The following PSMD1 variants were observed in gnomAD, a reference collection of about 807,000 sequenced individuals.
PSMD1 encodes the protein proteasome 26S subunit, non-ATPase 1.
A neutral mutation model predicts 119.0 loss-of-function variants in PSMD1; 18 were observed. The observed-to-expected ratio is 0.15, with a 90% CI of 0.10 to 0.22. The LOEUF (loss-of-function observed/expected upper bound fraction) is 0.22. Among genes scored for constraint, PSMD1 ranks in the 10% least tolerant of loss-of-function variants. PSMD1 has a pLI of 1.00. For synonymous variants in PSMD1, 374 were observed against 396.6 expected, an observed-to-expected ratio of 0.94 and a Z score of 0.68; for missense variants, 702 against 1,158.5, an observed-to-expected ratio of 0.61 and a Z score of 5.72.
chr2:231,075,642 C>A, intron 8 of PSMD1, 71 bp downstream of exon 8: 1 of 1,400,468 alleles, frequency 7.1e-7, no homozygotes, highest in Non-Finnish European at 9.9e-7. Context: ...CGCAGTGGCG[C>A]GGTCTCGGCT....
chr2:231,151,079 G>A (rs555564367), intron 18 of PSMD1, among the ~76,000 whole-genome samples: 9 of 152,090 alleles, frequency 5.9e-5, no homozygotes, highest in Non-Finnish European at 7.4e-5. Flanking sequence ...GGATCACAGC[G>A]TTGCATAAAA....
rs539005790 is a variant in PSMD1, at chr2:231,081,455, C to T, written c.1413+1141C>T. Among the ~76,000 whole-genome samples, 3 of 152,330 alleles carry T rather than the reference C, an allele frequency of 2.0e-5. No homozygotes were observed. In the South Asian group the frequency reaches 6.2e-4, roughly 32 times the overall value. ...CACAAAGGTTAAAGAGCCAGAGCAA[C>T]ACCACAGATGCTAGATAACAGGAAC... On this transcript the variant is annotated intron_variant, in intron 12 of 24. Coordinates refer to ENST00000308696, the MANE Select transcript of PSMD1 (RefSeq NM_002807.4).
chr2:231,123,582 T>C, intron 16 of PSMD1: 1 of 1,613,960 alleles, frequency 6.2e-7, no homozygotes, highest in Non-Finnish European at 8.5e-7. Context: ...TCACCATGAG[T>C]ATCAGAAGAG....
intron 16 of PSMD1, among the ~76,000 whole-genome samples, chr2:231,097,190 T>C (rs1694748025): frequency 6.6e-6 from 1 of 152,198 alleles, no homozygotes; most frequent in African/African-American, 2.4e-5. Flanking sequence ...AAGTGCTGTT[T>C]TTATGAGCCT....
intron 17 of PSMD1, among the ~76,000 whole-genome samples, chr2:231,144,310 G>A (rs1396558537): frequency 6.7e-6 from 1 of 150,234 alleles, no homozygotes; most frequent in Non-Finnish European, 1.5e-5. Context: ...GGAGTGCAAT[G>A]GCACTATCCT....
chr2:231,133,401 T>C (rs1695895289), intron 16 of PSMD1: 1 of 152,236 alleles, frequency 6.6e-6, no homozygotes, highest in Non-Finnish European at 1.5e-5. Context: ...ATGAGAATTA[T>C]AAATTCATAA....
intron 15 of PSMD1, 36 bp downstream of exon 15, chr2:231,085,150 C>T (rs764442117): frequency 1.1e-5 from 17 of 1,553,982 alleles, no homozygotes; most frequent in East Asian, 4.5e-5. Flanking sequence ...ATGGGGTGGA[C>T]GGAAAAGCTT....
chr2:231,131,391 CTGTG>C (rs1559244265), intron 16 of PSMD1, among the ~76,000 whole-genome samples: 1 of 152,098 alleles, frequency 6.6e-6, no homozygotes, highest in African/African-American at 2.4e-5. Flanking sequence ...TCATATATCT[CTGTG>C]TGTATATATA....
intron 16 of PSMD1, among the ~76,000 whole-genome samples, chr2:231,088,060 C>A (rs1156570094): frequency 6.6e-6 from 1 of 152,052 alleles, no homozygotes; most frequent in Non-Finnish European, 1.5e-5. Flanking sequence ...AGTTGCTCAA[C>A]CTCTTTGCGC....
At chr2:231,169,996 T>G (rs1282156407) in intron 23 of PSMD1, among the ~76,000 whole-genome samples, 1 of 152,230 alleles carries the variant, frequency 6.6e-6, no homozygotes, top group African/African-American at 2.4e-5. Flanking sequence ...CTGAAATTGC[T>G]GGAGAAAAAA....
chr2:231,108,395 C>G (rs1695027435), intron 16 of PSMD1: 1 of 727,162 alleles, frequency 1.4e-6, no homozygotes, highest in African/African-American at 1.8e-5. Flanking sequence ...ATACTTACAT[C>G]TTAGGTTAAA....
At chr2:231,166,360 C>T (rs1251388323) in intron 23 of PSMD1, among the ~76,000 whole-genome samples, 1 of 152,154 alleles carries the variant, frequency 6.6e-6, no homozygotes, top group Non-Finnish European at 1.5e-5. Flanking sequence ...AGGCCAGGTA[C>T]TAAATCTCTC....
Position 231,078,748 on chromosome 2 carries a change from GTAAA to G in PSMD1, c.1160+4_1160+7del. On this transcript the variant is annotated splice_donor_variant and splice_donor_5th_base_variant and intron_variant, in intron 10 of 24. Coordinates refer to ENST00000308696, the MANE Select transcript of PSMD1 (RefSeq NM_002807.4). LOFTEE classifies it high-confidence loss of function. ...GGACAACCAGTGACCAGTTTCTTAG[GTAAA>G]TATGCTTGTTGATTTTCACTTTGGT... The G allele has an allele frequency of 7.0e-7, 1 of 1,436,002 alleles. No individual in the cohort carries two copies. Among genetic ancestry groups the G allele is most frequent in the Non-Finnish European group, 9.5e-7 (1 of 1,050,964 alleles). 89.0% of individuals were successfully genotyped at this position (1,436,002 alleles called of 1,614,324 possible).
At chr2:231,074,682 A>G (rs957626103) in intron 7 of PSMD1, among the ~76,000 whole-genome samples, 2 of 152,026 alleles carry the variant, frequency 1.3e-5, no homozygotes, top group Non-Finnish European at 2.9e-5. Context: ...TTTTACTTTG[A>G]TGCTTTTCTG....
intron 16 of PSMD1, among the ~76,000 whole-genome samples, chr2:231,104,620 AT>A (rs940676300): frequency 4.6e-5 from 7 of 151,938 alleles, no homozygotes; most frequent in Admixed American, 1.3e-4. Flanking sequence ...CAGTATTCAC[AT>A]TTTTTTTAAA....
At chr2:231,141,578 G>A (rs1210061200) in intron 17 of PSMD1, among the ~76,000 whole-genome samples, 1 of 150,952 alleles carries the variant, frequency 6.6e-6, no homozygotes, top group Non-Finnish European at 1.5e-5. Context: ...CACCATGCCA[G>A]GCTAATTTTT....
chr2:231,111,385 T>C (rs1236749188), intron 16 of PSMD1, among the ~76,000 whole-genome samples: 1 of 152,238 alleles, frequency 6.6e-6, no homozygotes, highest in African/African-American at 2.4e-5. Context: ...ATTCTATTAA[T>C]GAGACTTCAT....
intron 16 of PSMD1, among the ~76,000 whole-genome samples, chr2:231,132,812 A>G (rs745649087): frequency 6.6e-6 from 1 of 152,246 alleles, no homozygotes; most frequent in Non-Finnish European, 1.5e-5. Context: ...AGGAATCACT[A>G]TGTTATTTCC....
intron 6 of PSMD1, among the ~76,000 whole-genome samples, chr2:231,071,509 T>C (rs540534262): frequency 3.4e-4 from 51 of 152,136 alleles, no homozygotes; most frequent in Non-Finnish European, 5.0e-4. Flanking sequence ...TTGATTGTTG[T>C]AATCATTCAG....
Sources: gnomAD v4.1 joint callset for allele counts (sites outside exome capture counted in the v4.1 genomes callset) on GRCh38, gnomAD v4.1.1 for gene constraint, MANE v1.5 for transcripts, NCBI Gene and HGNC (gene_info 2026-07-23, HGNC 2026-07-21) for gene names.